CDH13: variants seen among roughly 807,000 people sequenced by gnomAD.
The protein encoded by CDH13 is cadherin 13, also known as cadherin-13.
In CDH13, 24 loss-of-function variants were observed where a neutral mutation model predicts 63.8. That is an observed-to-expected ratio of 0.38 (90% CI 0.27 to 0.53). The LOEUF (loss-of-function observed/expected upper bound fraction) is 0.53, where lower values mean the gene tolerates loss of function less well. Ranked by LOEUF, CDH13 falls within the 20% of genes least tolerant of loss-of-function variation. CDH13 has a pLI of 0.85. For synonymous variants in CDH13, 503 were observed against 355.3 expected (o/e 1.42, Z -4.67); for missense variants, 1,049 against 903.1 (o/e 1.16, Z -2.07).
chr16:83,052,666 G>C (rs1186554142), intron 3 of CDH13, among the ~76,000 whole-genome samples: 1 of 150,130 alleles, frequency 6.7e-6, no homozygotes, highest in East Asian at 2.0e-4. Flanking sequence ...TTTAATCCCA[G>C]CTACTCGGGA....
chr16:83,626,769 TCGAGACTGC>T (rs1910342670), intron 8 of CDH13, among the ~76,000 whole-genome samples: 1 of 152,026 alleles, frequency 6.6e-6, no homozygotes, highest in African/African-American at 2.4e-5. Flanking sequence ...AGACTTTGGG[TCGAGACTGC>T]CGAGTCTCTA....
chr16:83,544,215 T>C (rs2075342806), intron 7 of CDH13, among the ~76,000 whole-genome samples: 1 of 152,040 alleles, frequency 6.6e-6, no homozygotes, highest in African/African-American at 2.4e-5. Flanking sequence ...TGAGACTGAG[T>C]AGTTCACCCA....
intron 7 of CDH13, among the ~76,000 whole-genome samples, chr16:83,497,841 C>G (rs958719563): frequency 8.9e-4 from 135 of 152,274 alleles, no homozygotes; most frequent in Admixed American, 3.9e-4. Context: ...TATCATATGT[C>G]TATATCTGAA....
chr16:83,474,953 T>G (rs2073562966), intron 6 of CDH13, among the ~76,000 whole-genome samples: 1 of 152,228 alleles, frequency 6.6e-6, no homozygotes, highest in South Asian at 2.1e-4. Flanking sequence ...GGCATGTGCA[T>G]TGTTGCCTGC....
At chr16:83,274,401 A>G (rs1233475433) in intron 5 of CDH13, among the ~76,000 whole-genome samples, 1 of 151,986 alleles carries the variant, frequency 6.6e-6, no homozygotes, top group Non-Finnish European at 1.5e-5. Context: ...TTTGGCTCCT[A>G]CCCTGAGTGA....
chr16:83,188,709 C>T (rs906093636), intron 4 of CDH13, among the ~76,000 whole-genome samples: 1 of 152,174 alleles, frequency 6.6e-6, no homozygotes, highest in African/African-American at 2.4e-5. Context: ...TTCCTATAAA[C>T]TCAAATTTTG....
At position 83,229,180 on chromosome 16, in the gene CDH13, A is replaced by C. The variant is rs189121920; in HGVS notation, c.636+11683A>C. Among the ~76,000 whole-genome samples, 13 of 152,294 alleles carry C rather than the reference A, an allele frequency of 8.5e-5. 1 individual carries two copies. In the South Asian group the frequency reaches 1.9e-3, roughly 22 times the overall value. ...GTGACATCCAATTTGCATTTCAAGAAGATAAGATTTATTTGAGCAAGTCAA... is the reference window on the plus strand; with the variant it reads ...GTGACATCCAATTTGCATTTCAAGACGATAAGATTTATTTGAGCAAGTCAA... On this transcript the variant is annotated intron_variant, in intron 5 of 13. Transcript: ENST00000567109.
intron 7 of CDH13, among the ~76,000 whole-genome samples, chr16:83,602,083 A>C (rs1598354374): frequency 7.5e-4 from 2 of 2,684 alleles, no homozygotes; most frequent in African/African-American, 1.7e-3. Context: ...ACTCTGTCTC[A>C]AAAAAAAAAA....
chr16:83,798,306 G>C lies in CDH13; in HGVS notation c.*3276G>C, dbSNP rs1366029919. ...CTGGATTTAGTGCAGTTGCACCCAGGCACGAGCTCTCCAGATGATTCTGAG... is the reference window on the plus strand; with the variant it reads ...CTGGATTTAGTGCAGTTGCACCCAGCCACGAGCTCTCCAGATGATTCTGAG... On this transcript the variant is annotated 3_prime_UTR_variant, in exon 14 of 14. Coordinates refer to ENST00000567109, the MANE Select transcript of CDH13 (RefSeq NM_001257.5). The C allele has an allele frequency of 6.6e-6, 1 of 152,172 alleles. No individual in the cohort carries two copies. The highest frequency in any genetic ancestry group is 1.5e-5 in the Non-Finnish European group (1 of 68,042). The allele number at this position is 152,172 out of a possible 1,614,324, so 9.4% of individuals were successfully genotyped here.
intron 6 of CDH13, among the ~76,000 whole-genome samples, chr16:83,480,450 C>G (rs534758566): frequency 1.1e-3 from 173 of 152,048 alleles, no homozygotes; most frequent in African/African-American, 3.9e-3. Context: ...ACACCAGGGT[C>G]TCTTTCTTTG....
At chr16:83,316,714 T>G (rs2090113000) in intron 5 of CDH13, among the ~76,000 whole-genome samples, 1 of 152,232 alleles carries the variant, frequency 6.6e-6, no homozygotes, top group Non-Finnish European at 1.5e-5. Context: ...GCCCACACTC[T>G]GCATGGCATT....
intron 5 of CDH13, among the ~76,000 whole-genome samples, chr16:83,289,916 C>T (rs1463156668): frequency 1.3e-5 from 2 of 152,186 alleles, no homozygotes; most frequent in South Asian, 2.1e-4. Flanking sequence ...GTGATCCCAC[C>T]TCTATAGCCA....
intron 2 of CDH13, among the ~76,000 whole-genome samples, chr16:83,004,512 G>GT (rs1162377423): frequency 4.6e-5 from 7 of 152,074 alleles, no homozygotes; most frequent in African/African-American, 1.2e-4. Context: ...GTTTTGTTTT[G>GT]TTTTTTTCCC....
rs147015206 is a variant in CDH13, at chr16:83,526,731, G to A, written c.960+40076G>A. On this transcript the variant is annotated intron_variant, in intron 7 of 13. Transcript: ENST00000567109. Reference sequence around the variant, plus strand: ...CTCTTTCACTTCCCCAGCCCAGCCTGTACAATCTTCTGCTTTACCTTCTTT... The same window carrying A: ...CTCTTTCACTTCCCCAGCCCAGCCTATACAATCTTCTGCTTTACCTTCTTT... 1.6e-4 allele frequency among the ~76,000 whole-genome samples: 25 copies of A among 152,316 alleles called. No individual in the cohort carries two copies. In the South Asian group the frequency reaches 1.7e-3, roughly 10 times the overall value.
At chr16:83,073,202 G>A (rs1388911002) in intron 3 of CDH13, among the ~76,000 whole-genome samples, 1 of 152,058 alleles carries the variant, frequency 6.6e-6, no homozygotes, top group Non-Finnish European at 1.5e-5. Context: ...TTGGATTTGA[G>A]TACAGGTCGT....
At chr16:83,748,695 A>G (rs1336517689) in intron 11 of CDH13, among the ~76,000 whole-genome samples, 2 of 152,214 alleles carry the variant, frequency 1.3e-5, no homozygotes, top group African/African-American at 4.8e-5. Flanking sequence ...GGCATCAGGT[A>G]CCCTCAGTTA....
intron 7 of CDH13, among the ~76,000 whole-genome samples, chr16:83,516,166 AG>A (rs1396593004): frequency 6.6e-6 from 1 of 152,218 alleles, no homozygotes; most frequent in African/African-American, 2.4e-5. Flanking sequence ...TTGTTAGCTC[AG>A]GGGGGTTGTA....
Position 83,659,041 on chromosome 16 carries a change from T to A in CDH13, c.1102-11749T>A, listed in dbSNP as rs576946447. Among the ~76,000 whole-genome samples the A allele has an allele frequency of 8.2e-5, 11 of 133,736 alleles. No individual in the cohort carries two copies. The South Asian group carries it at 2.8e-3, about 34-fold the overall frequency. The allele number at this position is 133,736 out of a possible 152,430, so 87.7% of individuals were successfully genotyped here. ...AGGTCCCATATCCTCACCAGCAAGG[T>A]TCCATGTCCTCACCACCAGGTCCCA... On this transcript the variant is annotated intron_variant, in intron 8 of 13. Coordinates refer to ENST00000567109, the MANE Select transcript of CDH13 (RefSeq NM_001257.5).
chr16:82,777,431 C>T (rs76509377), intron 1 of CDH13, among the ~76,000 whole-genome samples: 1 of 152,206 alleles, frequency 6.6e-6, no homozygotes, highest in African/African-American at 2.4e-5. Flanking sequence ...TTTTGCTTAA[C>T]TCCACACTGT....
Sources: allele counts gnomAD v4.1 joint callset (sites outside exome capture counted in the v4.1 genomes callset), GRCh38; gene constraint gnomAD v4.1.1; transcripts MANE v1.5; gene names NCBI Gene and HGNC (gene_info 2026-07-23, HGNC 2026-07-21).